The following COMMD10 variants were observed in gnomAD, a reference collection of about 807,000 sequenced individuals.
COMMD10 encodes COMM domain containing 10.
COMMD10 carries 33 observed loss-of-function variants against 28.9 expected under a neutral mutation model. The ratio of observed to expected loss-of-function variants is 1.14; its 90% confidence interval spans 0.87 to 1.53. The LOEUF is 1.53. Among genes scored for constraint, COMMD10 ranks in the 40% most tolerant of loss-of-function variants. COMMD10 has a pLI of 0.00. For missense variants in COMMD10, 310 were observed against 233.4 expected, an observed-to-expected ratio of 1.33 and a Z score of -2.14; for synonymous variants, 110 against 81.7, an observed-to-expected ratio of 1.35 and a Z score of -1.87.
chr5:116,212,962 T>C (rs1455713729), intron 5 of COMMD10, among the ~76,000 whole-genome samples: 1 of 152,090 alleles, frequency 6.6e-6, no homozygotes, highest in African/African-American at 2.4e-5. Flanking sequence ...TCTTAGAAGA[T>C]TGGGTCTGTA....
intron 4 of COMMD10, among the ~76,000 whole-genome samples, chr5:116,115,387 G>T (rs1213163981): frequency 1.3e-5 from 2 of 152,088 alleles, no homozygotes; most frequent in East Asian, 3.9e-4. Flanking sequence ...TCTCTTTTTG[G>T]AGTTTCTGTT....
intron 5 of COMMD10, among the ~76,000 whole-genome samples, chr5:116,146,800 A>G (rs1752364693): frequency 1.3e-5 from 2 of 151,850 alleles, no homozygotes; most frequent in Non-Finnish European, 2.9e-5. Flanking sequence ...TATTTCTCAG[A>G]AGAAATTATT....
intron 5 of COMMD10, among the ~76,000 whole-genome samples, chr5:116,185,009 A>C (rs950043685): frequency 6.6e-6 from 1 of 152,148 alleles, no homozygotes; most frequent in Admixed American, 6.6e-5. Flanking sequence ...TTTTGAAAGA[A>C]TAGAAGGCAG....
intron 5 of COMMD10, chr5:116,218,350 A>C: frequency 1.6e-6 from 1 of 638,006 alleles, no homozygotes; most frequent in Admixed American, 2.0e-5. Flanking sequence ...ATGCAGAGGC[A>C]TGTGGGCTTT....
chr5:116,088,817 G>A (rs886232169), intron 2 of COMMD10, among the ~76,000 whole-genome samples: 1 of 152,072 alleles, frequency 6.6e-6, no homozygotes, highest in Non-Finnish European at 1.5e-5. Flanking sequence ...TTTTAGTACT[G>A]CATCATAAGT....
In COMMD10 at chr5:116,274,374, C is replaced by A. The variant is rs946605640; in HGVS notation, c.511-17143C>A. ...TGCAGACTATACAGCTCTGCTGTTA[C>A]AACACAAAAGTAGGCTTAGACACTA... On this transcript the variant is annotated intron_variant, in intron 5 of 6. Coordinates refer to ENST00000274458, the MANE Select transcript of COMMD10 (RefSeq NM_016144.4). Among the ~76,000 whole-genome samples, 3 of 151,850 alleles carry A rather than the reference C, an allele frequency of 2.0e-5. 1 individual carries two copies. The highest frequency in any genetic ancestry group is 7.3e-5 in the African/African-American group (3 of 41,160).
At chr5:116,170,174 A>AT (rs1753274825) in intron 5 of COMMD10, among the ~76,000 whole-genome samples, 1 of 152,226 alleles carries the variant, frequency 6.6e-6, no homozygotes, top group African/African-American at 2.4e-5. Flanking sequence ...ACAAATCACA[A>AT]GCATTCCTAT....
chr5:116,231,924 G>A (rs1210215135), intron 5 of COMMD10, among the ~76,000 whole-genome samples: 1 of 152,018 alleles, frequency 6.6e-6, no homozygotes, highest in Non-Finnish European at 1.5e-5. Context: ...ACAGTTTAAG[G>A]TATGTTTAAA....
chr5:116,195,935 A>C (rs10035805), intron 5 of COMMD10, among the ~76,000 whole-genome samples: 3 of 152,262 alleles, frequency 2.0e-5, no homozygotes, highest in Admixed American at 2.0e-4. Context: ...CAATAAACAG[A>C]AGATGTTGGC....
chr5:116,108,968 T>G (rs2112733563), intron 4 of COMMD10, among the ~76,000 whole-genome samples: 1 of 152,234 alleles, frequency 6.6e-6, no homozygotes, highest in African/African-American at 2.4e-5. Flanking sequence ...TGACCCGTTG[T>G]GCTTCCCGGG....
At chr5:116,173,823 T>TTTTG (rs1561648067) in intron 5 of COMMD10, among the ~76,000 whole-genome samples, 1 of 147,726 alleles carries the variant, frequency 6.8e-6, no homozygotes, top group Non-Finnish European at 1.5e-5. Context: ...TGTTTTTGGG[T>TTTTG]TTTTGTTTTG....
At chr5:116,285,583 G>T (rs888497825) in intron 5 of COMMD10, among the ~76,000 whole-genome samples, 1 of 151,948 alleles carries the variant, frequency 6.6e-6, no homozygotes, top group African/African-American at 2.4e-5. Flanking sequence ...ACATAAGTCA[G>T]ATGCTTTTCT....
At chr5:116,128,765 A>G (rs1751750744) in intron 4 of COMMD10, among the ~76,000 whole-genome samples, 1 of 151,952 alleles carries the variant, frequency 6.6e-6, no homozygotes, top group African/African-American at 2.4e-5. Flanking sequence ...TGCTTTTAGG[A>G]CATTGATATT....
intron 5 of COMMD10, among the ~76,000 whole-genome samples, chr5:116,236,980 G>A (rs969085657): frequency 6.6e-6 from 1 of 152,052 alleles, no homozygotes; most frequent in Non-Finnish European, 1.5e-5. Flanking sequence ...AAAAAGTAGA[G>A]CAGAGTAAAG....
rs917166097 is a variant in COMMD10, at chr5:116,263,564, GA to G, written c.511-27950del. The stretch of plus-strand genomic sequence containing the variant: ...CCAGGCACCCTTTTAGGTCCGATAA[GA>G]AACATTTTACAGCCTGCTCTCTCTC... On this transcript the variant is annotated intron_variant, in intron 5 of 6. Transcript: ENST00000274458. Among the ~76,000 whole-genome samples, 3 of 151,576 alleles carry G rather than the reference GA, an allele frequency of 2.0e-5. 1 individual carries two copies. Among genetic ancestry groups the G allele is most frequent in the African/African-American group, 7.3e-5 (3 of 41,062 alleles).
chr5:116,166,934 C>T (rs1753140202), intron 5 of COMMD10, among the ~76,000 whole-genome samples: 1 of 151,988 alleles, frequency 6.6e-6, no homozygotes, highest in Non-Finnish European at 1.5e-5. Flanking sequence ...AACCAGAATG[C>T]CCATTCTCCT....
rs181267096 is a variant in COMMD10 at position 116,223,840 on chromosome 5, A to C, written c.511-67677A>C. Among the ~76,000 whole-genome samples, 632 of 152,290 alleles carry C rather than the reference A, an allele frequency of 4.1e-3. 7 individuals carry two copies. Among genetic ancestry groups the C allele is most frequent in the African/African-American group, 0.015 (605 of 41,550 alleles). On this transcript the variant is annotated intron_variant, in intron 5 of 6. Coordinates refer to ENST00000274458, the MANE Select transcript of COMMD10 (RefSeq NM_016144.4). ...GGCAACACTTGAAATTACCTGATTAAAATAAGGCACTCAACATAGCCTTAA... is the reference window on the plus strand; with the variant it reads ...GGCAACACTTGAAATTACCTGATTACAATAAGGCACTCAACATAGCCTTAA...
chr5:116,252,127 C>CAT (rs1414498722), intron 5 of COMMD10, among the ~76,000 whole-genome samples: 4 of 147,900 alleles, frequency 2.7e-5, no homozygotes, highest in African/African-American at 1.0e-4. Flanking sequence ...ATGTCCTTTG[C>CAT]CCACTTTTTG....
At chr5:116,205,667 C>T (rs944876800) in intron 5 of COMMD10, among the ~76,000 whole-genome samples, 4 of 151,734 alleles carry the variant, frequency 2.6e-5, no homozygotes, top group Non-Finnish European at 5.9e-5. Context: ...TCTGTATGTT[C>T]CTTTCTAAAT....
Sources: gnomAD v4.1 joint callset for allele counts (sites outside exome capture counted in the v4.1 genomes callset) on GRCh38, gnomAD v4.1.1 for gene constraint, MANE v1.5 for transcripts, NCBI Gene and HGNC (gene_info 2026-07-23, HGNC 2026-07-21) for gene names.